Variants in LRRIQ4 observed in about 807,000 individuals in gnomAD.
LRRIQ4 encodes leucine rich repeats and IQ motif containing 4, also known as leucine-rich repeat and IQ domain-containing protein 4.
LRRIQ4 carries 21 observed loss-of-function variants against 40.1 expected under a neutral mutation model. The observed-to-expected ratio is 0.52, with a 90% CI of 0.37 to 0.75. The LOEUF is 0.75. LRRIQ4 is among the 30% of genes least tolerant of loss of function. LRRIQ4 has a pLI of 0.00. For missense variants in LRRIQ4, 655 were observed against 660.0 expected, an observed-to-expected ratio of 0.99 and a Z score of 0.08; for synonymous variants, 277 against 277.1, an observed-to-expected ratio of 1.00 and a Z score of 0.00.
chr3:169,818,912 T>G (rs746003570), intron 1 of LRRIQ4, among the ~76,000 whole-genome samples: 2 of 152,214 alleles, frequency 1.3e-5, no homozygotes, highest in Non-Finnish European at 2.9e-5. Flanking sequence ...CTATCTAGTT[T>G]GTGCATAGAC....
chr3:169,822,712 T>A lies in LRRIQ4; in HGVS notation c.791T>A (p.Leu264Gln). The stretch of plus-strand genomic sequence containing the variant: ...CTCAGGAAGATGACGGAAATCGGGC[T>A]GAGCGGGAACCGCCTGGAGAAGGTG... Reference protein sequence around the residue: ...AELRKMTEIGLSGNRLEKVPR... With the variant: ...AELRKMTEIGQSGNRLEKVPR... Residue 264 changes from leucine to glutamine, a missense_variant, in exon 2 of 6, where the codon CTG becomes CAG. Coordinates refer to ENST00000340806, the MANE Select transcript of LRRIQ4 (RefSeq NM_001080460.3). 6.2e-7 allele frequency: 1 copy of A among 1,613,976 alleles called. No individual in the cohort carries two copies. Among genetic ancestry groups the A allele is most frequent in the Non-Finnish European group, 8.5e-7 (1 of 1,179,896 alleles).
intron 2 of LRRIQ4, among the ~76,000 whole-genome samples, chr3:169,826,326 A>G (rs1344590484): frequency 6.6e-6 from 1 of 151,546 alleles, no homozygotes; most frequent in Non-Finnish European, 1.5e-5. Context: ...CAGGAGGCAG[A>G]GGTTGCAATG....
At chr3:169,825,666 A>G (rs1780025493) in intron 2 of LRRIQ4, among the ~76,000 whole-genome samples, 2 of 152,386 alleles carry the variant, frequency 1.3e-5, no homozygotes, top group South Asian at 4.1e-4. Context: ...AATTTTAAGA[A>G]ATCAAAGGAG....
At chr3:169,831,490 G>C (rs1466896952) in intron 4 of LRRIQ4, among the ~76,000 whole-genome samples, 1 of 95,558 alleles carries the variant, frequency 1.0e-5, no homozygotes, top group Non-Finnish European at 1.9e-5. Flanking sequence ...TTTTAGTAGA[G>C]ACGGGGTTTC....
At chr3:169,816,343 T>G (rs1779768755) in intron 1 of LRRIQ4, among the ~76,000 whole-genome samples, 1 of 152,212 alleles carries the variant, frequency 6.6e-6, no homozygotes, top group South Asian at 2.1e-4. Flanking sequence ...TTTTACTTGC[T>G]ATTGGTCTAT....
chr3:169,822,668 C>T lies in LRRIQ4; in HGVS notation c.747C>T (p.Ile249=), dbSNP rs1779935902. The part of the protein sequence containing the change: ...LDLSHNLLHS[I]PKSFAELRKM... ...TATCCCACAACCTCCTCCACTCCAT[C>T]CCGAAGAGCTTCGCCGAGCTCAGGA... The change falls in exon 2 of 6, where the codon ATC becomes ATT. Residue 249 remains isoleucine, a synonymous_variant. Coordinates refer to ENST00000340806, the MANE Select transcript of LRRIQ4 (RefSeq NM_001080460.3). The T allele has an allele frequency of 2.5e-6, 4 of 1,613,962 alleles. No homozygotes were observed. In the African/African-American group the frequency reaches 5.3e-5, roughly 22 times the overall value.
chr3:169,826,248 C>T (rs1327007117), intron 2 of LRRIQ4, among the ~76,000 whole-genome samples: 3 of 151,766 alleles, frequency 2.0e-5, no homozygotes, highest in South Asian at 2.1e-4. Context: ...AAAAATTAGC[C>T]GGGCATGGTA....
At chr3:169,829,205 A>T (rs1038288949) in intron 3 of LRRIQ4, among the ~76,000 whole-genome samples, 2 of 152,128 alleles carry the variant, frequency 1.3e-5, no homozygotes, top group African/African-American at 2.4e-5. Flanking sequence ...TTGAGTCATA[A>T]CTCTTTCCAT....
intron 4 of LRRIQ4, among the ~76,000 whole-genome samples, chr3:169,831,858 T>C (rs938014011): frequency 2.0e-5 from 3 of 151,534 alleles, no homozygotes; most frequent in Non-Finnish European, 2.9e-5. Flanking sequence ...TCCCAGCTAC[T>C]TGGGAGGCTG....
rs369453216 is a variant in LRRIQ4 at position 169,822,167 on chromosome 3, C to T, written c.246C>T (p.Asn82=). 8.6e-5 allele frequency: 138 copies of T among 1,610,320 alleles called. 2 individuals carry two copies. In the African/African-American group the frequency reaches 1.4e-3, roughly 16 times the overall value. ...NIRVLYLDKN[N]LRSLCPALGL... ...GGGTCCTCTACCTGGATAAGAACAA[C>T]CTGAGGAGCCTGTGCCCGGCGCTGG... The change falls in exon 2 of 6, where the codon AAC becomes AAT. Residue 82 remains asparagine, a synonymous_variant. Transcript: ENST00000340806.
chr3:169,819,886 C>G (rs78820870), intron 1 of LRRIQ4, among the ~76,000 whole-genome samples: 1 of 152,028 alleles, frequency 6.6e-6, no homozygotes, highest in Admixed American at 6.5e-5. Context: ...CAGGACTGAA[C>G]AGTATTAGAT....
chr3:169,837,564 C>A lies in LRRIQ4; in HGVS notation c.1616C>A (p.Thr539Asn), dbSNP rs779498004. Reference protein sequence around the residue: ...ELLKPQKKGKTSPKDKKGKKD... With the variant: ...ELLKPQKKGKNSPKDKKGKKD... Reference sequence around the variant, plus strand: ...CTAAAACCACAAAAGAAAGGAAAGACCTCTCCAAAAGATAAGAAAGGAAAG... The same window carrying A: ...CTAAAACCACAAAAGAAAGGAAAGAACTCTCCAAAAGATAAGAAAGGAAAG... Residue 539 changes from threonine (T) to asparagine (N), a missense_variant, in exon 6 of 6, where the codon ACC becomes AAC. Transcript: ENST00000340806. The A allele has an allele frequency of 6.2e-7, 1 of 1,602,246 alleles. No individual in the cohort carries two copies. Among genetic ancestry groups the A allele is most frequent in the African/African-American group, 1.3e-5 (1 of 74,620 alleles).
At chr3:169,834,100 G>T (rs376617506) in intron 5 of LRRIQ4, among the ~76,000 whole-genome samples, 20 of 152,294 alleles carry the variant, frequency 1.3e-4, no homozygotes, top group African/African-American at 4.6e-4. Flanking sequence ...GGTGGCTCTC[G>T]CCTGTAATCC....
intron 1 of LRRIQ4, among the ~76,000 whole-genome samples, chr3:169,820,824 G>A (rs7632991): frequency 0.27 from 41,022 of 152,028 alleles, 6,100 homozygotes; most frequent in East Asian, 0.64. Context: ...GAAACTTCAG[G>A]ACCTGTCTCT....
At chr3:169,823,588 C>T (rs1779968040) in intron 2 of LRRIQ4, among the ~76,000 whole-genome samples, 1 of 152,100 alleles carries the variant, frequency 6.6e-6, no homozygotes, top group Non-Finnish European at 1.5e-5. Flanking sequence ...CCTTGTGTTC[C>T]GCCCGCCTCG....
intron 5 of LRRIQ4, among the ~76,000 whole-genome samples, chr3:169,836,076 CA>C (rs1335375636): frequency 3.3e-5 from 5 of 151,082 alleles, no homozygotes; most frequent in African/African-American, 1.2e-4. Context: ...CATCAGTGAA[CA>C]AAACAAATAT....
In LRRIQ4 at chr3:169,821,582, G is replaced by A. The variant is rs565195365; in HGVS notation, c.-31-309G>A. Among the ~76,000 whole-genome samples, 7 of 151,758 alleles carry A rather than the reference G, an allele frequency of 4.6e-5. No individual in the cohort carries two copies. The South Asian group carries it at 1.5e-3, about 32-fold the overall frequency. On this transcript the variant is annotated intron_variant, in intron 1 of 5. Coordinates refer to ENST00000340806, the MANE Select transcript of LRRIQ4 (RefSeq NM_001080460.3). ...TTGAGCCCAGGAGGCGGAGGTTGTA[G>A]TAAGCCGAGATCACACCATTGCACT...
chr3:169,832,299 C>G (rs540864756), intron 4 of LRRIQ4, among the ~76,000 whole-genome samples: 1 of 152,006 alleles, frequency 6.6e-6, no homozygotes, highest in Admixed American at 6.5e-5. Flanking sequence ...GAAACCCCAT[C>G]TCTACTAAAA....
At chr3:169,837,434 T>A in intron 5 of LRRIQ4, 45 bp from the exon 6 acceptor site, 1 of 1,568,978 alleles carries the variant, frequency 6.4e-7, no homozygotes. Flanking sequence ...TTCCAGTTCA[T>A]TGTGATACCA....
Sources: gnomAD v4.1 joint callset for allele counts (sites outside exome capture counted in the v4.1 genomes callset) on GRCh38, gnomAD v4.1.1 for gene constraint, MANE v1.5 for transcripts, NCBI Gene and HGNC (gene_info 2026-07-23, HGNC 2026-07-21) for gene names.